The following PCDHA9 variants were observed in gnomAD, a reference collection of about 807,000 sequenced individuals.
PCDHA9 encodes the protein protocadherin alpha-9.
PCDHA9 carries 62 observed loss-of-function variants against 62.0 expected under a neutral mutation model. The observed-to-expected ratio is 1.00, with a 90% CI of 0.81 to 1.23. The LOEUF is 1.23. Ranked by LOEUF, PCDHA9 falls within the 50% of genes most tolerant of loss-of-function variation. The pLI is 0.00. For missense variants in PCDHA9, 1,205 were observed against 1,249.8 expected (o/e 0.96, Z 0.54); for synonymous variants, 557 against 567.6 (o/e 0.98, Z 0.27).
chr5:140,883,806 A>T (rs1554180079), intron 1 of PCDHA9: 1 of 1,612,344 alleles, frequency 6.2e-7, no homozygotes, highest in East Asian at 2.2e-5. Flanking sequence ...GTGCACGCGG[A>T]GAGCGGCAAG....
rs1207415477 is a variant in PCDHA9 at position 140,980,276 on chromosome 5, T to C, written c.2453+1269T>C. 1.3e-5 allele frequency among the ~76,000 whole-genome samples: 2 copies of C among 152,224 alleles called. 1 individual carries two copies. The highest frequency in any genetic ancestry group is 2.9e-5 in the Non-Finnish European group (2 of 68,040). On this transcript the variant is annotated intron_variant, in intron 2 of 3. Transcript: ENST00000532602. ...AAAGCATGGTTTACAGTACCAACTC[T>C]TGAAAAGTACCAAAGCTATGAGTTG... is the stretch of plus-strand genomic sequence containing the variant.
In PCDHA9 at chr5:140,883,888, T is replaced by G. The variant is rs781919107; in HGVS notation, c.2394+32999T>G. ...AGTTCCAGGTGAGCGCGCGCGACTC[T>G]GGCGTGCCGCCTCTGGGCAGCAACG... On this transcript the variant is annotated intron_variant, in intron 1 of 3. Transcript: ENST00000532602. 33 of 1,612,942 alleles carry G rather than the reference T, an allele frequency of 2.0e-5. No individual in the cohort carries two copies. In the African/African-American group the frequency reaches 2.1e-4, roughly 10 times the overall value.
At chr5:140,897,504 C>T (rs1253239827) in intron 1 of PCDHA9, among the ~76,000 whole-genome samples, 1 of 152,092 alleles carries the variant, frequency 6.6e-6, no homozygotes, top group Non-Finnish European at 1.5e-5. Context: ...CATGTCCCTA[C>T]AAAGGACATG....
chr5:140,953,187 T>A (rs2094856489), intron 1 of PCDHA9, among the ~76,000 whole-genome samples: 1 of 152,148 alleles, frequency 6.6e-6, no homozygotes, highest in South Asian at 2.1e-4. Flanking sequence ...AGAATAAACT[T>A]GATTAGACTA....
intron 3 of PCDHA9, among the ~76,000 whole-genome samples, chr5:140,999,132 T>TC (rs2153955890): frequency 6.6e-6 from 1 of 152,278 alleles, no homozygotes; most frequent in African/African-American, 2.4e-5. Context: ...CTGGAAAATG[T>TC]CACAGCCGGA....
intron 3 of PCDHA9, among the ~76,000 whole-genome samples, chr5:141,004,676 G>C (rs1198896698): frequency 6.6e-6 from 1 of 152,168 alleles, no homozygotes; most frequent in Non-Finnish European, 1.5e-5. Context: ...AAGGACTGTG[G>C]AGTGGTGCTG....
chr5:140,941,111 G>T (rs1477407055), intron 1 of PCDHA9, among the ~76,000 whole-genome samples: 2 of 152,090 alleles, frequency 1.3e-5, no homozygotes, highest in Non-Finnish European at 2.9e-5. Context: ...TTACTGGAAA[G>T]ATTAGTCCTT....
intron 1 of PCDHA9, chr5:140,857,725 C>T: frequency 6.3e-7 from 1 of 1,597,502 alleles, no homozygotes; most frequent in Non-Finnish European, 8.6e-7. Context: ...ACGAGAACGA[C>T]AACGCTCCCG....
chr5:140,883,137 T>C (rs2153390787), intron 1 of PCDHA9: 1 of 1,614,036 alleles, frequency 6.2e-7, no homozygotes, highest in Admixed American at 1.7e-5. Flanking sequence ...CCTGCAGTGG[T>C]ATATGCATTT....
chr5:140,984,392 G>C (rs914978799), intron 3 of PCDHA9, among the ~76,000 whole-genome samples: 1 of 152,156 alleles, frequency 6.6e-6, no homozygotes, highest in South Asian at 2.1e-4. Context: ...TTCAAAAAAT[G>C]TTGAGAACCT....
chr5:140,889,928 G>A (rs554679699), intron 1 of PCDHA9, among the ~76,000 whole-genome samples: 98 of 152,304 alleles, frequency 6.4e-4, no homozygotes, highest in South Asian at 1.5e-3. Context: ...AGAAGCTCAA[G>A]CTGGACTTGT....
chr5:140,948,492 A>C (rs915795889), intron 1 of PCDHA9, among the ~76,000 whole-genome samples: 1 of 151,594 alleles, frequency 6.6e-6, no homozygotes, highest in Non-Finnish European at 1.5e-5. Flanking sequence ...AATTTCTTTC[A>C]TAGACTTTCT....
In PCDHA9 at chr5:140,876,137, T is replaced by TA. The variant is rs781824852; in HGVS notation, c.2394+25250dup. The TA allele has an allele frequency of 1.3e-5, 21 of 1,613,798 alleles. No individual in the cohort carries two copies. The Middle Eastern group carries it at 4.9e-4, about 38-fold the overall frequency. On this transcript the variant is annotated intron_variant, in intron 1 of 3. Coordinates refer to ENST00000532602, the MANE Select transcript of PCDHA9 (RefSeq NM_031857.2). Reference sequence around the variant, plus strand: ...GTAATCGATGGCGGTAAACCAGAACTAACAGGGTCTGTCCAGATTCAAATA... The same window carrying TA: ...GTAATCGATGGCGGTAAACCAGAACTAAACAGGGTCTGTCCAGATTCAAATA...
At chr5:140,875,966 ACT>A (rs782792514) in intron 1 of PCDHA9, 11 of 1,613,922 alleles carry the variant, frequency 6.8e-6, no homozygotes, top group Admixed American at 6.7e-5. Context: ...ATCGGCGTAA[ACT>A]CTCTTTTGAC....
chr5:140,981,687 ATCAT>A (rs200213847), intron 2 of PCDHA9, among the ~76,000 whole-genome samples: 197 of 152,078 alleles, frequency 1.3e-3, no homozygotes, highest in African/African-American at 4.2e-3. Context: ...CCTCCCTTCC[ATCAT>A]TCATTCATTC....
rs915171063 is a variant in PCDHA9 at position 140,977,108 on chromosome 5, T to C, written c.2395-1841T>C. On this transcript the variant is annotated intron_variant, in intron 1 of 3. Transcript: ENST00000532602. ...AAATGTGTCATTGGGGAAGTGAGAT[T>C]GTATAATGAACTGAGTTTCCTGGTC... 6.6e-5 allele frequency among the ~76,000 whole-genome samples: 10 copies of C among 152,302 alleles called. No homozygotes were observed. The East Asian group carries it at 1.9e-3, about 29-fold the overall frequency.
Position 140,883,205 on chromosome 5 carries a change from A to G in PCDHA9, c.2394+32316A>G, listed in dbSNP as rs1402031440. 5 of 1,613,918 alleles carry G rather than the reference A, an allele frequency of 3.1e-6. No individual in the cohort carries two copies. In the African/African-American group the frequency reaches 6.7e-5, roughly 22 times the overall value. On this transcript the variant is annotated intron_variant, in intron 1 of 3. Transcript: ENST00000532602. Reference sequence around the variant, plus strand: ...AAAAGGCAAACTAGATTTCGAAGAAAAGAAATTATATGAAATATCCGTGGA... The same window carrying G: ...AAAAGGCAAACTAGATTTCGAAGAAGAGAAATTATATGAAATATCCGTGGA...
chr5:140,855,021 T>C (rs910000039), intron 1 of PCDHA9, among the ~76,000 whole-genome samples: 2 of 149,920 alleles, frequency 1.3e-5, no homozygotes, highest in African/African-American at 4.9e-5. Context: ...ATGAAACTTC[T>C]TGTATAAAGG....
chr5:140,966,934 G>T, intron 1 of PCDHA9: 1 of 1,604,080 alleles, frequency 6.2e-7, no homozygotes, highest in Non-Finnish European at 8.5e-7. Context: ...CACCCGGCGC[G>T]CTCGTGGGCA....
Sources: allele counts gnomAD v4.1 joint callset (sites outside exome capture counted in the v4.1 genomes callset), GRCh38; gene constraint gnomAD v4.1.1; transcripts MANE v1.5; gene names NCBI Gene and HGNC (gene_info 2026-07-23, HGNC 2026-07-21).